The following FRMD4A variants were observed in gnomAD, a reference collection of about 807,000 sequenced individuals.
FRMD4A encodes FERM domain-containing protein 4A.
FRMD4A carries 29 observed loss-of-function variants against 129.1 expected under a neutral mutation model. The observed-to-expected ratio is 0.22, with a 90% confidence interval of 0.17 to 0.31. The LOEUF (loss-of-function observed/expected upper bound fraction) is 0.31. FRMD4A is among the 10% of genes least tolerant of loss of function. The pLI is 1.00. For synonymous variants in FRMD4A, 634 were observed against 571.6 expected (o/e 1.11, Z -1.56); for missense variants, 1,272 against 1,375.8 (o/e 0.92, Z 1.19).
chr10:13,774,667 G>A lies in FRMD4A; in HGVS notation c.384+8255C>T, dbSNP rs543307777. Among the ~76,000 whole-genome samples the A allele has an allele frequency of 5.3e-5, 8 of 152,300 alleles. No homozygotes were observed. The East Asian group carries it at 1.5e-3, about 29-fold the overall frequency. On this transcript the variant is annotated intron_variant, in intron 6 of 24. Transcript: ENST00000357447. ...AAGAACCAGCTTGCGACGGGATCAC[G>A]TCACAGGGACACCCACTGGGGGACC...
intron 2 of FRMD4A, among the ~76,000 whole-genome samples, chr10:14,095,877 A>G (rs1034326678): frequency 6.6e-6 from 1 of 152,222 alleles, no homozygotes; most frequent in Admixed American, 6.5e-5. Context: ...TGGCCAGAGC[A>G]CTCACTGTCC....
rs114937374 is a variant in FRMD4A at position 13,975,024 on chromosome 10, C to T, written c.46-116112G>A. On this transcript the variant is annotated intron_variant, in intron 2 of 24. Transcript: ENST00000357447. ...GTGTGAGTGCATGTGTGTGTCTGTG[C>T]GTGTCTGAGTATGCATGTGCGTGTC... 6.4e-3 allele frequency among the ~76,000 whole-genome samples: 966 copies of T among 150,594 alleles called. 16 individuals carry two copies. The highest frequency in any genetic ancestry group is 0.021 in the African/African-American group (875 of 41,024).
chr10:13,813,392 G>C (rs2093482260), intron 3 of FRMD4A, among the ~76,000 whole-genome samples: 1 of 152,214 alleles, frequency 6.6e-6, no homozygotes, highest in Non-Finnish European at 1.5e-5. Context: ...AGTGAGTAGA[G>C]ATCACGTCAC....
At chr10:13,911,957 T>C (rs1217518041) in intron 2 of FRMD4A, among the ~76,000 whole-genome samples, 3 of 152,176 alleles carry the variant, frequency 2.0e-5, no homozygotes, top group African/African-American at 2.4e-5. Context: ...GTCTAGGTCC[T>C]CAAAATACTG....
chr10:14,057,661 C>T (rs1834604336), intron 2 of FRMD4A, among the ~76,000 whole-genome samples: 1 of 152,010 alleles, frequency 6.6e-6, no homozygotes, highest in Admixed American at 6.6e-5. Flanking sequence ...ACCTCCGCCT[C>T]CTGGGTTCAA....
At chr10:14,321,129 G>A (rs1489075752) in intron 2 of FRMD4A, among the ~76,000 whole-genome samples, 2 of 151,974 alleles carry the variant, frequency 1.3e-5, no homozygotes, top group Non-Finnish European at 2.9e-5. Flanking sequence ...TTTCTGTCTG[G>A]TTCACCACTG....
intron 5 of FRMD4A, among the ~76,000 whole-genome samples, chr10:13,787,785 T>C (rs2092905112): frequency 6.6e-6 from 1 of 150,676 alleles, no homozygotes; most frequent in South Asian, 2.1e-4. Context: ...TGGCTGGGCA[T>C]AGTTTTTGGC....
At chr10:13,787,226 C>T (rs749775270) in intron 5 of FRMD4A, among the ~76,000 whole-genome samples, 2 of 152,226 alleles carry the variant, frequency 1.3e-5, no homozygotes, top group Non-Finnish European at 2.9e-5. Flanking sequence ...TGGAAAACCC[C>T]GTGAGCTCCG....
chr10:13,890,227 A>C (rs1304446107), intron 2 of FRMD4A, among the ~76,000 whole-genome samples: 1 of 152,202 alleles, frequency 6.6e-6, no homozygotes, highest in Non-Finnish European at 1.5e-5. Flanking sequence ...AAGACCAAAA[A>C]CAAAACAATG....
At chr10:14,258,252 A>G (rs968674610) in intron 2 of FRMD4A, among the ~76,000 whole-genome samples, 2 of 151,238 alleles carry the variant, frequency 1.3e-5, no homozygotes, top group Non-Finnish European at 2.9e-5. Flanking sequence ...ATTATATTAC[A>G]TAATAAAAGG....
chr10:14,011,323 C>T (rs562266218), intron 2 of FRMD4A, among the ~76,000 whole-genome samples: 13 of 152,154 alleles, frequency 8.5e-5, no homozygotes, highest in South Asian at 6.2e-4. Context: ...GCACAGGGGA[C>T]GGAGGGGCTA....
chr10:13,749,189 G>A (rs542300893), intron 8 of FRMD4A, among the ~76,000 whole-genome samples: 55 of 152,274 alleles, frequency 3.6e-4, no homozygotes, highest in African/African-American at 1.2e-3. Context: ...AGCCTTAGCC[G>A]GGGTTGCAAA....
At chr10:14,225,886 T>C (rs568404979) in intron 2 of FRMD4A, among the ~76,000 whole-genome samples, 2 of 152,300 alleles carry the variant, frequency 1.3e-5, no homozygotes, top group Admixed American at 1.3e-4. Context: ...AGTCAGAATC[T>C]CCCAGTGTGT....
intron 2 of FRMD4A, among the ~76,000 whole-genome samples, chr10:14,104,961 C>T (rs1452540022): frequency 6.6e-6 from 1 of 152,210 alleles, no homozygotes; most frequent in Non-Finnish European, 1.5e-5. Context: ...TCCAAATGAA[C>T]TCAGTTACAC....
intron 2 of FRMD4A, among the ~76,000 whole-genome samples, chr10:13,988,570 A>G (rs888753513): frequency 6.6e-6 from 1 of 152,224 alleles, no homozygotes; most frequent in Admixed American, 6.5e-5. Context: ...GGATGGATGG[A>G]TAGACAGATA....
chr10:14,184,201 G>A (rs776905488), intron 2 of FRMD4A, among the ~76,000 whole-genome samples: 1 of 140,626 alleles, frequency 7.1e-6, no homozygotes, highest in Non-Finnish European at 1.5e-5. Context: ...GTGCCATCTC[G>A]GCTCACTGCA....
At chr10:14,287,598 T>C (rs925411594) in intron 2 of FRMD4A, among the ~76,000 whole-genome samples, 1 of 152,182 alleles carries the variant, frequency 6.6e-6, no homozygotes, top group Non-Finnish European at 1.5e-5. Context: ...TCAGACCCAA[T>C]TGTACTGATA....
intron 2 of FRMD4A, among the ~76,000 whole-genome samples, chr10:14,083,981 C>T (rs2131738012): frequency 6.6e-6 from 1 of 152,172 alleles, no homozygotes; most frequent in East Asian, 1.9e-4. Flanking sequence ...GAGGTTATAC[C>T]AAGAGGAAAA....
intron 15 of FRMD4A, among the ~76,000 whole-genome samples, chr10:13,679,476 C>T (rs12248287): frequency 0.45 from 19,762 of 44,190 alleles, 3,720 homozygotes; most frequent in Non-Finnish European, 0.51. Flanking sequence ...TATATATATA[C>T]ACACACACAC....
Sources: allele counts gnomAD v4.1 joint callset (sites outside exome capture counted in the v4.1 genomes callset), GRCh38; gene constraint gnomAD v4.1.1; transcripts MANE v1.5; gene names NCBI Gene and HGNC (gene_info 2026-07-23, HGNC 2026-07-21).